KIRREL1: variants seen among roughly 807,000 people sequenced by gnomAD.
KIRREL1 encodes the protein kirre like nephrin family adhesion molecule 1.
KIRREL1 carries 25 observed loss-of-function variants against 83.3 expected under a neutral mutation model. The observed-to-expected ratio is 0.30, with a 90% CI of 0.22 to 0.42. KIRREL1 has a LOEUF of 0.42. Among genes scored for constraint, KIRREL1 ranks in the 10% least tolerant of loss-of-function variants. The probability of loss-of-function intolerance (pLI) is 1.00; values close to 1 mark genes in which losing one functional copy is unlikely to be tolerated. For missense variants in KIRREL1, 812 were observed against 1,032.3 expected, an observed-to-expected ratio of 0.79 and a Z score of 2.92; for synonymous variants, 388 against 410.4, an observed-to-expected ratio of 0.95 and a Z score of 0.66.
At chr1:158,004,311 A>G (rs1659453210) in intron 1 of KIRREL1, among the ~76,000 whole-genome samples, 2 of 152,196 alleles carry the variant, frequency 1.3e-5, no homozygotes, top group Non-Finnish European at 2.9e-5. Flanking sequence ...TCTTGAAAAA[A>G]CAGACAATAG....
At chr1:157,995,884 CA>C (rs1659184672) in intron 1 of KIRREL1, among the ~76,000 whole-genome samples, 1 of 150,364 alleles carries the variant, frequency 6.7e-6, no homozygotes, top group African/African-American at 2.5e-5. Context: ...GGAAGCTTGG[CA>C]AGGGACTGGG....
intron 3 of KIRREL1, among the ~76,000 whole-genome samples, chr1:158,082,957 T>C (rs1014025718): frequency 6.6e-6 from 1 of 152,202 alleles, no homozygotes; most frequent in Non-Finnish European, 1.5e-5. Context: ...ATCAAAATCC[T>C]TCTGCCTTTA....
intron 1 of KIRREL1, among the ~76,000 whole-genome samples, chr1:158,028,769 A>G (rs184259653): frequency 2.6e-5 from 4 of 152,266 alleles, no homozygotes; most frequent in African/African-American, 9.6e-5. Context: ...TGAAGTAGGT[A>G]TTATTATGTC....
intron 1 of KIRREL1, among the ~76,000 whole-genome samples, chr1:158,002,413 T>G (rs1003610301): frequency 6.6e-6 from 1 of 152,218 alleles, no homozygotes. Context: ...CTTAGATACA[T>G]GTGCATTTAG....
rs1025504263 is a variant in KIRREL1 at position 158,096,478 on chromosome 1, C to T, written c.*1358C>T. On this transcript the variant is annotated 3_prime_UTR_variant, in exon 15 of 15. Coordinates refer to ENST00000359209, the MANE Select transcript of KIRREL1 (RefSeq NM_018240.7). ...TGGGCGGTTGTGTGGGGAGTGGGTA[C>T]TTGTGAGCCTCGGACACACTGTTAA... 1.9e-5 allele frequency: 8 copies of T among 413,368 alleles called. No homozygotes were observed. Among genetic ancestry groups the T allele is most frequent in the African/African-American group, 1.2e-4 (6 of 48,910 alleles). The allele number at this position is 413,368 out of a possible 1,614,324, so 25.6% of individuals were successfully genotyped here. A position where few individuals can be genotyped will look rare whatever the true frequency, so the allele number is the denominator to read the frequency against.
rs183247273 is a variant in KIRREL1, at chr1:158,080,395, A to G, written c.352+2255A>G. On this transcript the variant is annotated intron_variant, in intron 3 of 14. Transcript: ENST00000359209. ...CAATCCAGGAAGAACCTGGAAAAGG[A>G]GAATATCAAGGGGAACCCTAGATGG... Among the ~76,000 whole-genome samples the G allele has an allele frequency of 4.7e-3, 722 of 152,300 alleles. 14 individuals carry two copies. Among genetic ancestry groups the G allele is most frequent in the Non-Finnish European group, 3.3e-3 (227 of 68,038 alleles).
intron 1 of KIRREL1, among the ~76,000 whole-genome samples, chr1:158,062,832 C>A (rs1315909521): frequency 1.3e-5 from 2 of 152,268 alleles, no homozygotes; most frequent in East Asian, 3.8e-4. Context: ...AGATGTGCCA[C>A]AGCTTCCACT....
At chr1:158,088,185 A>G (rs1383168972) in intron 7 of KIRREL1, 31 bp downstream of exon 7, 2 of 1,614,098 alleles carry the variant, frequency 1.2e-6, no homozygotes, top group South Asian at 2.2e-5. Context: ...GGACGGGGAC[A>G]GAGAGCAGGG....
At chr1:158,093,251 G>A (rs748417100) in intron 11 of KIRREL1, 88 bp from the exon 12 acceptor site, 48 of 1,079,340 alleles carry the variant, frequency 4.4e-5, no homozygotes, top group Admixed American at 3.7e-4. Flanking sequence ...TTGCCTCTGT[G>A]GCTGTGGCCT....
At chr1:158,043,789 G>A (rs892057190) in intron 1 of KIRREL1, among the ~76,000 whole-genome samples, 10 of 152,182 alleles carry the variant, frequency 6.6e-5, no homozygotes, top group African/African-American at 1.9e-4. Context: ...GTGGTGGGCT[G>A]TGCCATGGCA....
rs574294868 is a variant in KIRREL1 at position 158,015,118 on chromosome 1, C to A, written c.52+21390C>A. Among the ~76,000 whole-genome samples, 5 of 152,250 alleles carry A rather than the reference C, an allele frequency of 3.3e-5. No individual in the cohort carries two copies. In the South Asian group the frequency reaches 1.0e-3, roughly 32 times the overall value. Reference sequence around the variant, plus strand: ...TGAGTTTCATAAAGTCACCTTACTCCTACCCCAGACATCACAACAGCTGGC... The same window carrying A: ...TGAGTTTCATAAAGTCACCTTACTCATACCCCAGACATCACAACAGCTGGC... On this transcript the variant is annotated intron_variant, in intron 1 of 14. Transcript: ENST00000359209.
intron 1 of KIRREL1, among the ~76,000 whole-genome samples, chr1:158,010,925 T>C (rs1659669654): frequency 6.6e-6 from 1 of 152,130 alleles, no homozygotes; most frequent in Non-Finnish European, 1.5e-5. Flanking sequence ...GCCAATGGCA[T>C]CAGTGGTGAA....
At chr1:158,025,640 A>G (rs1206884760) in intron 1 of KIRREL1, 1 of 152,772 alleles carries the variant, frequency 6.5e-6, no homozygotes, top group Non-Finnish European at 1.5e-5. Flanking sequence ...AGGCGGGAAG[A>G]GATGCAGCCA....
chr1:158,093,587 G>A (rs1662263821), intron 12 of KIRREL1, 36 bp from the exon 13 acceptor site: 1 of 1,613,554 alleles, frequency 6.2e-7, no homozygotes, highest in Non-Finnish European at 8.5e-7. Flanking sequence ...GAGACCAGCA[G>A]GAAGCACTTG....
chr1:158,088,150 C>A lies in KIRREL1; in HGVS notation c.912C>A (p.Val304=). 1 of 1,614,192 alleles carries A rather than the reference C, an allele frequency of 6.2e-7. No homozygotes were observed. The highest frequency in any genetic ancestry group is 8.5e-7 in the Non-Finnish European group (1 of 1,180,038). Residue 304 remains valine (V), a synonymous_variant, in exon 7 of 15, where the codon GTC becomes GTA. Transcript: ENST00000359209. ...CCAATGTCAGCACTTTAGTAAATGT[C>A]CACTGTGAGTAGCTGGGAGGGCAGG... ...GSTNVSTLVN[V]HFAPRIVVDP...
chr1:158,072,186 G>A (rs1661534688), intron 1 of KIRREL1, among the ~76,000 whole-genome samples: 1 of 152,026 alleles, frequency 6.6e-6, no homozygotes, highest in Non-Finnish European at 1.5e-5. Flanking sequence ...TCACTGAGAG[G>A]AGGGTGCTGT....
At chr1:158,013,867 T>G (rs1248126743) in intron 1 of KIRREL1, among the ~76,000 whole-genome samples, 3 of 152,228 alleles carry the variant, frequency 2.0e-5, no homozygotes, top group Non-Finnish European at 4.4e-5. Flanking sequence ...AGGAGCTTAC[T>G]GTCCATTAAT....
intron 1 of KIRREL1, among the ~76,000 whole-genome samples, chr1:158,066,570 T>C (rs993669842): frequency 7.2e-5 from 11 of 152,180 alleles, no homozygotes; most frequent in African/African-American, 2.7e-4. Context: ...TCCCTCCCAC[T>C]GTGTGGACCC....
chr1:158,078,774 C>T (rs1661759440), intron 3 of KIRREL1, among the ~76,000 whole-genome samples: 1 of 152,228 alleles, frequency 6.6e-6, no homozygotes. Flanking sequence ...GTCTGGATGG[C>T]TGCTGGCTCT....
Sources: gnomAD v4.1 joint callset for allele counts (sites outside exome capture counted in the v4.1 genomes callset) on GRCh38, gnomAD v4.1.1 for gene constraint, MANE v1.5 for transcripts, NCBI Gene and HGNC (gene_info 2026-07-23, HGNC 2026-07-21) for gene names.